OPCML: variants seen among roughly 807,000 people sequenced by gnomAD.
OPCML encodes the protein opioid binding protein/cell adhesion molecule like.
Under a neutral mutation model 37.8 loss-of-function variants are expected in OPCML, and 13 were observed. The ratio of observed to expected loss-of-function variants is 0.34; its 90% CI spans 0.22 to 0.55. The LOEUF is 0.55. OPCML is among the 20% of genes least tolerant of loss of function. The probability of loss-of-function intolerance (pLI) is 0.91; values close to 1 mark genes in which losing one functional copy is unlikely to be tolerated. For missense variants in OPCML, 341 were observed against 435.6 expected, an observed-to-expected ratio of 0.78 and a Z score of 1.93; for synonymous variants, 176 against 168.8, an observed-to-expected ratio of 1.04 and a Z score of -0.33.
Position 132,710,796 on chromosome 11 carries a change from G to A in OPCML, c.147-53477C>T, listed in dbSNP as rs112457921. 2.6e-5 allele frequency among the ~76,000 whole-genome samples: 4 copies of A among 152,010 alleles called. 1 individual carries two copies. The highest frequency in any genetic ancestry group is 9.6e-5 in the African/African-American group (4 of 41,484). ...CTTGAACATGGGAGGTGGAGGTTGC[G>A]GTGAGCTGAGATTGCACCATTGCAC... is the stretch of plus-strand genomic sequence containing the variant. On this transcript the variant is annotated intron_variant, in intron 2 of 7. Coordinates refer to ENST00000524381, the MANE Select transcript of OPCML (RefSeq NM_001012393.5).
intron 1 of OPCML, among the ~76,000 whole-genome samples, chr11:133,095,984 A>G (rs1387285838): frequency 6.6e-6 from 1 of 152,102 alleles, no homozygotes; most frequent in African/African-American, 2.4e-5. Flanking sequence ...GAAATAAACT[A>G]TATGTCAGAA....
chr11:133,493,449 A>T (rs1565665784), intron 1 of OPCML, among the ~76,000 whole-genome samples: 1 of 152,246 alleles, frequency 6.6e-6, no homozygotes, highest in Non-Finnish European at 1.5e-5. Flanking sequence ...CCATGTGTAC[A>T]TGCATACTTT....
intron 3 of OPCML, among the ~76,000 whole-genome samples, chr11:132,538,829 C>A (rs896183236): frequency 2.2e-4 from 33 of 152,308 alleles, no homozygotes; most frequent in Non-Finnish European, 4.4e-5. Flanking sequence ...GTTCCAAATA[C>A]CTCATGTTAA....
chr11:133,335,397 G>A (rs1026645135), intron 1 of OPCML, among the ~76,000 whole-genome samples: 2 of 152,136 alleles, frequency 1.3e-5, no homozygotes, highest in Admixed American at 1.3e-4. Context: ...ATTGTCTTCA[G>A]AACAAGACAA....
intron 1 of OPCML, among the ~76,000 whole-genome samples, chr11:133,143,508 T>C (rs143961389): frequency 6.6e-6 from 1 of 152,250 alleles, no homozygotes; most frequent in African/African-American, 2.4e-5. Flanking sequence ...ACCCACATAG[T>C]ATTGTGACAT....
chr11:132,740,666 T>A (rs1379281950), intron 2 of OPCML, among the ~76,000 whole-genome samples: 1 of 152,196 alleles, frequency 6.6e-6, no homozygotes, highest in African/African-American at 2.4e-5. Flanking sequence ...TGTGGGGCCA[T>A]AACTTCTTAA....
chr11:132,479,855 CA>C lies in OPCML; in HGVS notation c.506-42497del, dbSNP rs555326058. 1.6e-3 allele frequency among the ~76,000 whole-genome samples: 237 copies of C among 152,228 alleles called. 2 individuals carry two copies. The South Asian group carries it at 0.022, about 14-fold the overall frequency. On this transcript the variant is annotated intron_variant, in intron 4 of 7. Coordinates refer to ENST00000524381, the MANE Select transcript of OPCML (RefSeq NM_001012393.5). ...CTAACAAACAGAAAGGACATCCGCACAAAAAACCCATCTGTACATCACCATC... is the reference window on the plus strand; with the variant it reads ...CTAACAAACAGAAAGGACATCCGCACAAAAACCCATCTGTACATCACCATC...
chr11:132,673,626 C>T (rs1217606585), intron 2 of OPCML, among the ~76,000 whole-genome samples: 4 of 152,050 alleles, frequency 2.6e-5, no homozygotes, highest in Admixed American at 2.0e-4. Flanking sequence ...TCATTGGCTC[C>T]TCAGAGTTTG....
chr11:133,001,721 T>A (rs1183596686), intron 1 of OPCML, among the ~76,000 whole-genome samples: 2 of 152,230 alleles, frequency 1.3e-5, no homozygotes, highest in Non-Finnish European at 2.9e-5. Flanking sequence ...ATGAGGGAAC[T>A]GGGATTAAAA....
intron 2 of OPCML, among the ~76,000 whole-genome samples, chr11:132,844,751 A>G (rs1485125648): frequency 2.6e-5 from 4 of 152,086 alleles, no homozygotes; most frequent in Non-Finnish European, 5.9e-5. Context: ...AACATTGAGC[A>G]AATCTGTGTC....
intron 1 of OPCML, among the ~76,000 whole-genome samples, chr11:133,123,385 T>G (rs1949450133): frequency 6.6e-6 from 1 of 152,216 alleles, no homozygotes; most frequent in East Asian, 1.9e-4. Flanking sequence ...TCTGTTTGTG[T>G]TTTATTTAGA....
chr11:132,824,408 G>A (rs550961126), intron 2 of OPCML, among the ~76,000 whole-genome samples: 8 of 152,256 alleles, frequency 5.3e-5, no homozygotes, highest in Non-Finnish European at 1.2e-4. Context: ...CCCTTCCTAA[G>A]CCAAGTCAGC....
chr11:133,402,506 T>C (rs1028780054), intron 1 of OPCML, among the ~76,000 whole-genome samples: 1 of 152,208 alleles, frequency 6.6e-6, no homozygotes, highest in Non-Finnish European at 1.5e-5. Context: ...ACCATATAGA[T>C]GATCAGGATG....
At chr11:132,796,694 C>T (rs1175936586) in intron 2 of OPCML, among the ~76,000 whole-genome samples, 1 of 151,742 alleles carries the variant, frequency 6.6e-6, no homozygotes, top group East Asian at 1.9e-4. Context: ...CTGCCTCGGC[C>T]TCCCTCCTGA....
chr11:133,443,974 C>T (rs1182371093), intron 1 of OPCML, among the ~76,000 whole-genome samples: 1 of 152,066 alleles, frequency 6.6e-6, no homozygotes, highest in Non-Finnish European at 1.5e-5. Context: ...GAAAGGGAGC[C>T]TTGGGTGTCT....
chr11:133,263,395 C>T (rs1283898101), intron 1 of OPCML, among the ~76,000 whole-genome samples: 2 of 152,102 alleles, frequency 1.3e-5, no homozygotes, highest in Non-Finnish European at 2.9e-5. Flanking sequence ...GTTACAGTTG[C>T]CTACAGTGTT....
chr11:133,148,404 G>C (rs909953232), intron 1 of OPCML, among the ~76,000 whole-genome samples: 1 of 152,204 alleles, frequency 6.6e-6, no homozygotes, highest in African/African-American at 2.4e-5. Context: ...CCAGATATCT[G>C]CTTCTTACTG....
intron 1 of OPCML, among the ~76,000 whole-genome samples, chr11:133,303,005 T>A (rs1304067831): frequency 1.3e-5 from 2 of 152,182 alleles, no homozygotes; most frequent in Non-Finnish European, 2.9e-5. Context: ...TGACTAACAC[T>A]CTTCACGAAC....
At chr11:133,495,674 A>G (rs1255104342) in intron 1 of OPCML, among the ~76,000 whole-genome samples, 2 of 152,010 alleles carry the variant, frequency 1.3e-5, no homozygotes, top group African/African-American at 2.4e-5. Flanking sequence ...GCATTTTTTC[A>G]TATGTCTGTT....
Sources: allele counts gnomAD v4.1 joint callset (sites outside exome capture counted in the v4.1 genomes callset), GRCh38; gene constraint gnomAD v4.1.1; transcripts MANE v1.5; gene names NCBI Gene and HGNC (gene_info 2026-07-23, HGNC 2026-07-21).